Variants in MAPRE2 observed in about 807,000 individuals in gnomAD.
MAPRE2 encodes microtubule-associated protein RP/EB family member 2.
In MAPRE2, 13 loss-of-function variants were observed where a neutral mutation model predicts 43.2. That is an observed-to-expected ratio of 0.30 (90% CI 0.20 to 0.48). The LOEUF (loss-of-function observed/expected upper bound fraction) is 0.48. Ranked by LOEUF, MAPRE2 falls within the 20% of genes least tolerant of loss-of-function variation. MAPRE2 has a pLI of 0.99. For missense variants in MAPRE2, 161 were observed against 400.2 expected, an observed-to-expected ratio of 0.40 and a Z score of 5.10; for synonymous variants, 135 against 148.8, an observed-to-expected ratio of 0.91 and a Z score of 0.68.
At chr18:35,108,438 G>T (rs1360502719) in intron 4 of MAPRE2, among the ~76,000 whole-genome samples, 1 of 152,148 alleles carries the variant, frequency 6.6e-6, no homozygotes, top group East Asian at 1.9e-4. Context: ...ACATATGTGT[G>T]CATGTGTCTT....
intron 2 of MAPRE2, among the ~76,000 whole-genome samples, chr18:35,006,616 G>T (rs1486938747): frequency 1.3e-5 from 2 of 152,100 alleles, no homozygotes; most frequent in Non-Finnish European, 2.9e-5. Context: ...AAAATTTGCA[G>T]GTATAAAATT....
At chr18:35,055,924 C>A (rs1049097219) in intron 1 of MAPRE2, among the ~76,000 whole-genome samples, 1 of 147,830 alleles carries the variant, frequency 6.8e-6, no homozygotes, top group Non-Finnish European at 1.5e-5. Flanking sequence ...AACTGCACTG[C>A]AGCCTGGGTG....
At chr18:35,096,431 T>C (rs974923288) in intron 2 of MAPRE2, among the ~76,000 whole-genome samples, 1 of 152,204 alleles carries the variant, frequency 6.6e-6, no homozygotes, top group African/African-American at 2.4e-5. Flanking sequence ...AGTAAGAAGA[T>C]ATGAATCAGT....
At position 35,142,931 on chromosome 18, in the gene MAPRE2, G is replaced by A. The variant is rs548880039; in HGVS notation, c.*2562G>A. 1 of 152,196 alleles carries A rather than the reference G, an allele frequency of 6.6e-6. No individual in the cohort carries two copies. The highest frequency in any genetic ancestry group is 1.5e-5 in the Non-Finnish European group (1 of 68,072). The allele number at this position is 152,196 out of a possible 1,614,324, so 9.4% of individuals were successfully genotyped here. A position where few individuals can be genotyped will look rare whatever the true frequency, so the allele number is the denominator to read the frequency against. On this transcript the variant is annotated 3_prime_UTR_variant, in exon 7 of 7. Coordinates refer to ENST00000300249, the MANE Select transcript of MAPRE2 (RefSeq NM_014268.4). Reference sequence around the variant, plus strand: ...TGCGTGCTCCACTTCTCCCTCTCAGGAAGCCCAGTTTCATCCTTAGTACCC... The same window carrying A: ...TGCGTGCTCCACTTCTCCCTCTCAGAAAGCCCAGTTTCATCCTTAGTACCC...
chr18:35,120,092 G>C (rs1909605873), intron 4 of MAPRE2, among the ~76,000 whole-genome samples: 2 of 152,204 alleles, frequency 1.3e-5, no homozygotes, highest in South Asian at 4.1e-4. Flanking sequence ...AGCCACACCA[G>C]TCAGGAAGTA....
chr18:35,061,868 T>G (rs1442989546), intron 1 of MAPRE2, among the ~76,000 whole-genome samples: 1 of 152,192 alleles, frequency 6.6e-6, no homozygotes, highest in Non-Finnish European at 1.5e-5. Context: ...AGGTCACAAA[T>G]AAAGAGAAAG....
At chr18:35,127,311 A>G (rs1362179726) in intron 5 of MAPRE2, 1 of 493,064 alleles carries the variant, frequency 2.0e-6, no homozygotes, top group Non-Finnish European at 3.6e-6. Flanking sequence ...GATGGGGCAG[A>G]TGGCTCAGCC....
At chr18:35,017,729 A>G (rs905540541) in intron 2 of MAPRE2, among the ~76,000 whole-genome samples, 1 of 151,598 alleles carries the variant, frequency 6.6e-6, no homozygotes, top group African/African-American at 2.4e-5. Flanking sequence ...ATTTTGGTGG[A>G]GTCTTTAGGG....
At chr18:35,009,152 G>A (rs1235910319) in intron 2 of MAPRE2, among the ~76,000 whole-genome samples, 2 of 152,092 alleles carry the variant, frequency 1.3e-5, no homozygotes. Context: ...AAAATAAGAT[G>A]CACCATAGGA....
At chr18:35,087,354 A>C (rs1310390193) in intron 2 of MAPRE2, among the ~76,000 whole-genome samples, 1 of 152,190 alleles carries the variant, frequency 6.6e-6, no homozygotes, top group East Asian at 1.9e-4. Context: ...ATATCCCATC[A>C]TAATTAACCT....
chr18:35,003,480 T>C (rs756187344), intron 1 of MAPRE2, among the ~76,000 whole-genome samples: 1 of 152,218 alleles, frequency 6.6e-6, no homozygotes, highest in Non-Finnish European at 1.5e-5. Flanking sequence ...AGATAAAATA[T>C]GTGAAATGAC....
At chr18:35,014,421 C>T (rs1269235766) in intron 2 of MAPRE2, among the ~76,000 whole-genome samples, 3 of 149,280 alleles carry the variant, frequency 2.0e-5, no homozygotes, top group Non-Finnish European at 4.4e-5. Flanking sequence ...CAGGTCTCGG[C>T]AGTCTATATA....
chr18:35,001,809 G>T (rs1218159582), intron 1 of MAPRE2, among the ~76,000 whole-genome samples: 1 of 152,072 alleles, frequency 6.6e-6, no homozygotes, highest in African/African-American at 2.4e-5. Flanking sequence ...GAAAAGGTAA[G>T]AAAATAAAAC....
At chr18:35,124,949 T>G (rs1199651782) in intron 4 of MAPRE2, among the ~76,000 whole-genome samples, 3 of 152,136 alleles carry the variant, frequency 2.0e-5, no homozygotes, top group African/African-American at 7.2e-5. Context: ...CTGAAGCCCA[T>G]ATACCAGTCA....
intron 2 of MAPRE2, among the ~76,000 whole-genome samples, chr18:35,010,035 A>G (rs2097033690): frequency 6.6e-6 from 1 of 152,180 alleles, no homozygotes; most frequent in Non-Finnish European, 1.5e-5. Context: ...TAAAAGCAAT[A>G]AGATAAATTT....
chr18:35,126,456 G>A (rs1054391298), intron 4 of MAPRE2, among the ~76,000 whole-genome samples: 8 of 152,218 alleles, frequency 5.3e-5, no homozygotes, highest in Non-Finnish European at 8.8e-5. Flanking sequence ...CACTGCTATG[G>A]AGATGTCATT....
intron 2 of MAPRE2, among the ~76,000 whole-genome samples, chr18:35,006,846 C>A (rs1392694875): frequency 6.6e-6 from 1 of 152,182 alleles, no homozygotes; most frequent in African/African-American, 2.4e-5. Context: ...ACCTGTAATA[C>A]CAGCTACTCG....
At chr18:35,058,346 T>C (rs1057026040) in intron 1 of MAPRE2, among the ~76,000 whole-genome samples, 1 of 152,236 alleles carries the variant, frequency 6.6e-6, no homozygotes, top group African/African-American at 2.4e-5. Flanking sequence ...TTTACCATAA[T>C]GTAAATACAG....
chr18:35,022,012 T>C (rs1035777226), intron 2 of MAPRE2, among the ~76,000 whole-genome samples: 16 of 152,170 alleles, frequency 1.1e-4, no homozygotes, highest in African/African-American at 3.9e-4. Flanking sequence ...TATGCAATTC[T>C]GAAGCCTCAG....
Sources: gnomAD v4.1 joint callset for allele counts (sites outside exome capture counted in the v4.1 genomes callset) on GRCh38, gnomAD v4.1.1 for gene constraint, MANE v1.5 for transcripts, NCBI Gene and HGNC (gene_info 2026-07-23, HGNC 2026-07-21) for gene names.